The following UNC5A variants were observed in gnomAD, a reference collection of about 807,000 sequenced individuals.
UNC5A encodes unc-5 netrin receptor A, also known as netrin receptor UNC5A.
A neutral mutation model predicts 87.4 loss-of-function variants in UNC5A; 20 were observed. That is an observed-to-expected ratio of 0.23 (90% CI 0.16 to 0.33). The LOEUF (loss-of-function observed/expected upper bound fraction) is 0.33, where lower values mean the gene tolerates loss of function less well. Among genes scored for constraint, UNC5A ranks in the 10% least tolerant of loss-of-function variants. UNC5A has a pLI of 1.00. For missense variants in UNC5A, 844 were observed against 1,133.4 expected, an observed-to-expected ratio of 0.74 and a Z score of 3.67; for synonymous variants, 438 against 482.3, an observed-to-expected ratio of 0.91 and a Z score of 1.20.
intron 1 of UNC5A, among the ~76,000 whole-genome samples, chr5:176,834,523 A>G (rs760479762): frequency 6.6e-6 from 1 of 152,182 alleles, no homozygotes; most frequent in Admixed American, 6.5e-5. Context: ...AAAAGAGAAT[A>G]AGAGGGATCT....
chr5:176,810,648 GC>G lies in UNC5A; in HGVS notation c.-99del. ...GAGGCAGCGCAGTCCGCTGGCATGG[GC>G]CCCGGGGGCGCCCCGAGCTGGGGCT... On this transcript the variant is annotated 5_prime_UTR_variant, in exon 1 of 15. It introduces an in-frame stop codon into an upstream open reading frame of the 5' UTR. Transcript: ENST00000329542. This position sits in a 1 kb window ranked among gnomAD's most constrained non-coding sequence, Gnocchi z 7.3. 3.3e-6 allele frequency: 1 copy of G among 300,436 alleles called. No homozygotes were observed. Among genetic ancestry groups the G allele is most frequent in the Non-Finnish European group, 4.9e-6 (1 of 205,316 alleles). The allele number at this position is 300,436 out of a possible 1,614,324, so 18.6% of individuals were successfully genotyped here.
chr5:176,866,810 G>T lies in UNC5A; in HGVS notation c.293-1320G>T, dbSNP rs1757986087. Among the ~76,000 whole-genome samples the T allele has an allele frequency of 6.6e-6, 1 of 152,162 alleles. No homozygotes were observed. The highest frequency in any genetic ancestry group is 2.4e-5 in the African/African-American group (1 of 41,442). On this transcript the variant is annotated intron_variant, in intron 2 of 14. Coordinates refer to ENST00000329542, the MANE Select transcript of UNC5A (RefSeq NM_133369.3). This position sits in a 1 kb window ranked among gnomAD's most constrained non-coding sequence, Gnocchi z 5.0. Reference sequence around the variant, plus strand: ...CACCCCCTGAGAGTGTCCACACTGGGTGTCTTAGAGAACGGGGCAGGTGGT... The same window carrying T: ...CACCCCCTGAGAGTGTCCACACTGGTTGTCTTAGAGAACGGGGCAGGTGGT...
intron 1 of UNC5A, among the ~76,000 whole-genome samples, chr5:176,817,734 T>G (rs1367789347): frequency 6.6e-6 from 1 of 151,932 alleles, no homozygotes; most frequent in Non-Finnish European, 1.5e-5. Flanking sequence ...TGAGCTGCCG[T>G]GGAGCGCGGG....
chr5:176,864,770 A>C, intron 2 of UNC5A: 1 of 453,858 alleles, frequency 2.2e-6, no homozygotes, highest in Non-Finnish European at 4.4e-6. Context: ...AGGTACTAGG[A>C]GTTATGCTCT....
intron 1 of UNC5A, among the ~76,000 whole-genome samples, chr5:176,854,014 A>G (rs558826551): frequency 9.2e-5 from 14 of 152,350 alleles, no homozygotes; most frequent in African/African-American, 3.1e-4. Context: ...AGTGGGGTCA[A>G]ATAAGGCCAG....
chr5:176,868,987 C>T, intron 5 of UNC5A, 23 bp downstream of exon 5: 1 of 1,578,960 alleles, frequency 6.3e-7, no homozygotes, highest in Non-Finnish European at 8.6e-7. Flanking sequence ...ACTCCCTGGT[C>T]ACAGGGAGAG....
chr5:176,842,558 C>T (rs949229655), intron 1 of UNC5A, among the ~76,000 whole-genome samples: 3 of 151,264 alleles, frequency 2.0e-5, no homozygotes, highest in Non-Finnish European at 2.9e-5. Flanking sequence ...ACAGCATTTG[C>T]AGTGACCTGG....
At chr5:176,852,969 C>T (rs572903021) in intron 1 of UNC5A, among the ~76,000 whole-genome samples, 1 of 152,232 alleles carries the variant, frequency 6.6e-6, no homozygotes, top group African/African-American at 2.4e-5. Context: ...TGGTGGCAGG[C>T]GTGAGGAGGA....
At chr5:176,878,709 G>A (rs907378984) in intron 13 of UNC5A, 70 bp downstream of exon 13, 24 of 1,540,896 alleles carry the variant, frequency 1.6e-5, no homozygotes, top group East Asian at 2.3e-5. Context: ...CCCCCAAAAC[G>A]CTCCTGCCCT....
chr5:176,819,240 C>A (rs1294325389), intron 1 of UNC5A, among the ~76,000 whole-genome samples: 2 of 152,218 alleles, frequency 1.3e-5, no homozygotes, highest in Non-Finnish European at 2.9e-5. Context: ...TGGGTGGTGG[C>A]CCAATTGTCA....
intron 1 of UNC5A, among the ~76,000 whole-genome samples, chr5:176,846,281 CAG>C: frequency 6.6e-6 from 1 of 151,688 alleles, no homozygotes; most frequent in Middle Eastern, 3.4e-3. Flanking sequence ...GAACCAGAGA[CAG>C]AGGGGTCTTT....
Position 176,810,736 on chromosome 5 carries a change from T to C in UNC5A, c.-15T>C, listed in dbSNP as rs1205799986. ...GGGCCCCGCGCCCGGCCCGCCCGCC[T>C]GCCCGCCCGCGGCCATGGCCGTCCG... On this transcript the variant is annotated 5_prime_UTR_variant, in exon 1 of 15. Coordinates refer to ENST00000329542, the MANE Select transcript of UNC5A (RefSeq NM_133369.3). The surrounding 1 kb of genome is among the most constrained non-coding windows in gnomAD (Gnocchi z 7.3). 7.1e-6 allele frequency: 8 copies of C among 1,126,512 alleles called. No individual in the cohort carries two copies. The highest frequency in any genetic ancestry group is 9.8e-5 in the Admixed American group (2 of 20,366). 69.8% of individuals were successfully genotyped at this position (1,126,512 alleles called of 1,614,324 possible). A position where few individuals can be genotyped will look rare whatever the true frequency, so the allele number is the denominator to read the frequency against.
chr5:176,847,133 C>T (rs912506614), intron 1 of UNC5A, among the ~76,000 whole-genome samples: 3 of 152,196 alleles, frequency 2.0e-5, no homozygotes, highest in Non-Finnish European at 4.4e-5. Context: ...GCCTCACCCC[C>T]GTTCGTTGAA....
chr5:176,836,392 C>G (rs1175285566), intron 1 of UNC5A, among the ~76,000 whole-genome samples: 2 of 152,220 alleles, frequency 1.3e-5, no homozygotes, highest in South Asian at 4.1e-4. Flanking sequence ...CTTATATGAT[C>G]TGCATAATTC....
In UNC5A at chr5:176,868,558, T is replaced by A; in HGVS notation, c.437-3T>A. On this transcript the variant is annotated splice_region_variant and splice_polypyrimidine_tract_variant and intron_variant, in intron 3 of 14. Transcript: ENST00000329542. ...CAGGAGGACACTCTCATTCCTCTTC[T>A]AGATTTGCGCAAGAACTTCGAGCAG... is the stretch of plus-strand genomic sequence containing the variant. 1 of 1,597,082 alleles carries A rather than the reference T, an allele frequency of 6.3e-7. No homozygotes were observed. The highest frequency in any genetic ancestry group is 8.5e-7 in the Non-Finnish European group (1 of 1,172,580).
chr5:176,842,545 T>C (rs909829931), intron 1 of UNC5A, among the ~76,000 whole-genome samples: 2 of 150,436 alleles, frequency 1.3e-5, no homozygotes, highest in Middle Eastern at 6.8e-3. Context: ...AAGGAATGAA[T>C]TAACAGCATT....
chr5:176,879,823 A>G lies in UNC5A; in HGVS notation c.2466A>G (p.Ala822=). The change falls in exon 15 of 15, where the codon GCA becomes GCG. Residue 822 remains alanine, a synonymous_variant. Coordinates refer to ENST00000329542, the MANE Select transcript of UNC5A (RefSeq NM_133369.3). ...ACGGCAACCTCAGCCAGCTGGCTGCAGCAGTGGCTGGACTGGGCCAGCCAG... is the reference window on the plus strand; with the variant it reads ...ACGGCAACCTCAGCCAGCTGGCTGCGGCAGTGGCTGGACTGGGCCAGCCAG... ...FPNGNLSQLA[A]AVAGLGQPDA... 6.2e-7 allele frequency: 1 copy of G among 1,612,860 alleles called. No individual in the cohort carries two copies. The highest frequency in any genetic ancestry group is 8.5e-7 in the Non-Finnish European group (1 of 1,179,868).
chr5:176,862,561 G>A, intron 1 of UNC5A, 63 bp from the exon 2 acceptor site: 1 of 1,494,650 alleles, frequency 6.7e-7, no homozygotes, highest in East Asian at 2.4e-5. Context: ...CGTTTGCTGA[G>A]CCGCTGCCTC....
At position 176,862,673 on chromosome 5, in the gene UNC5A, G is replaced by T; in HGVS notation, c.120G>T (p.Pro40=). Residue 40 remains proline, a synonymous_variant, in exon 2 of 15, where the codon CCG becomes CCT. Transcript: ENST00000329542. ...TVANPVPGAN[P]DLLPHFLVEP... ...CCAACCCAGTGCCTGGTGCCAACCC[G>T]GACCTGCTTCCCCACTTCCTGGTGG... 1 of 1,613,594 alleles carries T rather than the reference G, an allele frequency of 6.2e-7. No homozygotes were observed. The highest frequency in any genetic ancestry group is 1.1e-5 in the South Asian group (1 of 91,078).
Sources: allele counts gnomAD v4.1 joint callset (sites outside exome capture counted in the v4.1 genomes callset), GRCh38; gene constraint gnomAD v4.1.1; non-coding constraint Gnocchi (gnomAD v3.1); transcripts MANE v1.5; gene names NCBI Gene and HGNC (gene_info 2026-07-23, HGNC 2026-07-21).